Variants in ACD observed in about 807,000 individuals in gnomAD.
ACD encodes the protein adrenocortical dysplasia protein homolog.
Under a neutral mutation model 53.9 loss-of-function variants are expected in ACD, and 39 were observed. That is an observed-to-expected ratio of 0.72 (90% confidence interval 0.56 to 0.95). The LOEUF (loss-of-function observed/expected upper bound fraction) is 0.95, where lower values mean the gene tolerates loss of function less well. Ranked by LOEUF, ACD falls within the 40% of genes least tolerant of loss-of-function variation. The probability of loss-of-function intolerance (pLI) is 0.00; values close to 1 mark genes in which losing one functional copy is unlikely to be tolerated. For missense variants in ACD, 526 were observed against 587.9 expected (o/e 0.89, Z 1.09); for synonymous variants, 273 against 249.2 (o/e 1.10, Z -0.90).
Position 67,658,358 on chromosome 16 carries a change from G to A in ACD, c.834C>T (p.Thr278=), listed in dbSNP as rs1440344167. 1.2e-6 allele frequency: 2 copies of A among 1,613,644 alleles called. No homozygotes were observed. The highest frequency in any genetic ancestry group is 1.7e-5 in the Admixed American group (1 of 60,032). Residue 278 remains threonine, a synonymous_variant, in exon 10 of 12, where the codon ACC becomes ACT. Coordinates refer to ENST00000620761, the MANE Select transcript of ACD (RefSeq NM_001082486.2). The stretch of plus-strand genomic sequence containing the variant: ...ATGACATGTGGCCGGGTAAGGCCGG[G>A]GTTCCTGAGGAGGAGGGGACTTATT... ...SPPSSPSSSG[T]PALPGHMSSE...
Position 67,658,658 on chromosome 16 carries a change from G to T in ACD, c.743-17C>A. ...GCTCAGGGCCTGGGGGGTTCAGGAA[G>T]TCTTATCAGCACTGTGGACCTGGGC... On this transcript the variant is annotated splice_polypyrimidine_tract_variant and intron_variant, in intron 8 of 11. Transcript: ENST00000620761. The T allele has an allele frequency of 1.3e-6, 2 of 1,583,300 alleles. No homozygotes were observed. Among genetic ancestry groups the T allele is most frequent in the Non-Finnish European group, 1.7e-6 (2 of 1,162,560 alleles).
Position 67,659,234 on chromosome 16 carries a change from T to A in ACD, c.488A>T (p.Asn163Ile). 1 of 1,614,098 alleles carries A rather than the reference T, an allele frequency of 6.2e-7. No individual in the cohort carries two copies. The highest frequency in any genetic ancestry group is 1.3e-5 in the African/African-American group (1 of 75,020). Residue 163 changes from asparagine to isoleucine, a missense_variant, in exon 6 of 12, where the codon AAT becomes ATT. By Grantham distance (149) the Asn-to-Ile change is moderately radical (BLOSUM62 -3). Coordinates refer to ENST00000620761, the MANE Select transcript of ACD (RefSeq NM_001082486.2). ...EEHLSESTSS[N>I]AGLSLSQLLD... ...CTGGTCAAGCTCTACAGTACCTGCA[T>A]TGGACGAGGTGGACTCTGAAAGGTG...
intron 6 of ACD, 54 bp downstream of exon 6, chr16:67,659,175 G>A (rs1289966444): frequency 1.2e-6 from 2 of 1,613,068 alleles, no homozygotes; most frequent in East Asian, 2.2e-5. Flanking sequence ...TAAGGTTAAG[G>A]CTGGAGAGAT....
intron 1 of ACD, 21 bp downstream of exon 1, chr16:67,660,101 G>C (rs368511393): frequency 1.9e-6 from 3 of 1,612,160 alleles, no homozygotes; most frequent in East Asian, 2.2e-5. Context: ...CTCGGTCTCC[G>C]GGCCCTGAAT....
rs2052894726 is a variant in ACD at position 67,657,627 on chromosome 16, C to T, written c.1356G>A (p.Gly452=). 1 of 1,614,174 alleles carries T rather than the reference C, an allele frequency of 6.2e-7. No individual in the cohort carries two copies. Among genetic ancestry groups the T allele is most frequent in the Admixed American group, 1.7e-5 (1 of 60,026 alleles). The change falls in exon 12 of 12, where the codon GGG becomes GGA. Residue 452 remains glycine (G), a synonymous_variant. Coordinates refer to ENST00000620761, the MANE Select transcript of ACD (RefSeq NM_001082486.2). The surrounding 1 kb of genome is among the most constrained non-coding windows in gnomAD (Gnocchi z 4.5). ...ALHFLMDAQP[G]SEPTPM is the part of the protein sequence containing the mutation. ...CGTCTCACATCGGAGTTGGCTCAGA[C>T]CCTGGCTGTGCATCCATCAGAAAGT... is the stretch of plus-strand genomic sequence containing the variant.
At chr16:67,659,645 A>G in intron 3 of ACD, 32 bp from the exon 4 acceptor site, 1 of 1,613,022 alleles carries the variant, frequency 6.2e-7, no homozygotes, top group East Asian at 2.2e-5. Flanking sequence ...GGGGGGTCTC[A>G]GAATCGTCAC....
In ACD at chr16:67,659,280, G is replaced by A. The variant is rs375973362; in HGVS notation, c.459-17C>T. 2 of 1,614,138 alleles carry A rather than the reference G, an allele frequency of 1.2e-6. No homozygotes were observed. Among genetic ancestry groups the A allele is most frequent in the African/African-American group, 1.3e-5 (1 of 75,048 alleles). On this transcript the variant is annotated splice_polypyrimidine_tract_variant and intron_variant, in intron 5 of 11. Coordinates refer to ENST00000620761, the MANE Select transcript of ACD (RefSeq NM_001082486.2). Reference sequence around the variant, plus strand: ...AGGTGCTCCCTACAGGAAGAGAGTGGCCAGGACTCAGGAACCATGCTGAGG... The same window carrying A: ...AGGTGCTCCCTACAGGAAGAGAGTGACCAGGACTCAGGAACCATGCTGAGG...
Position 67,658,802 on chromosome 16 carries a change from G to A in ACD, c.660C>T (p.Tyr220=). Residue 220 remains tyrosine (Y), a synonymous_variant, in exon 8 of 12, where the codon TAC becomes TAT. Transcript: ENST00000620761. The part of the protein sequence containing the change: ...SRCKATGEAV[Y]TVPSSMLCIS... ...TGCACAGCATTGAGCTGGGGACAGT[G>A]TACACAGCTTCTCCCTGTGGGACAT... 6.2e-7 allele frequency: 1 copy of A among 1,612,674 alleles called. No homozygotes were observed. The highest frequency in any genetic ancestry group is 2.2e-5 in the East Asian group (1 of 44,850).
rs1344221000 is a variant in ACD at position 67,660,194 on chromosome 16, T to G, written c.27A>C (p.Leu9=). The G allele has an allele frequency of 6.2e-7, 1 of 1,612,428 alleles. No homozygotes were observed. The highest frequency in any genetic ancestry group is 1.7e-5 in the Admixed American group (1 of 60,006). Residue 9 remains leucine, a synonymous_variant, in exon 1 of 12, where the codon CTA becomes CTC. Coordinates refer to ENST00000620761, the MANE Select transcript of ACD (RefSeq NM_001082486.2). The part of the protein sequence containing the change: MAGSGRLV[L]RPWIRELILG... ...GAATCAGCTCCCGAATCCAGGGCCGTAGGACCAGCCTCCCCGAACCTGCCA... is the reference window on the plus strand; with the variant it reads ...GAATCAGCTCCCGAATCCAGGGCCGGAGGACCAGCCTCCCCGAACCTGCCA...
chr16:67,657,667 A>G lies in ACD; in HGVS notation c.1316T>C (p.Met439Thr), dbSNP rs202222217. The part of the protein sequence containing the change: ...VQAVRLPPQL[M>T]AWALHFLMDA... ...CATCAGAAAGTGCAAGGCCCAGGCC[A>G]TGAGCTGGGGAGGAAGCCTGGAAAG... Residue 439 changes from methionine (M) to threonine (T), a missense_variant, in exon 12 of 12, where the codon ATG (methionine) becomes ACG (threonine). Physicochemically the swap from Met to Thr is moderately conservative, Grantham distance 81 (BLOSUM62 -1). Transcript: ENST00000620761. The surrounding 1 kb of genome is among the most constrained non-coding windows in gnomAD (Gnocchi z 4.5). 1.2e-4 allele frequency: 186 copies of G among 1,614,056 alleles called. No homozygotes were observed. The highest frequency in any genetic ancestry group is 1.0e-5 in the Non-Finnish European group (12 of 1,180,052).
chr16:67,659,994 T>C lies in ACD; in HGVS notation c.151A>G (p.Thr51Ala), dbSNP rs1258986215. The C allele has an allele frequency of 1.4e-5, 22 of 1,608,908 alleles. No individual in the cohort carries two copies. The highest frequency in any genetic ancestry group is 1.8e-5 in the Non-Finnish European group (21 of 1,178,894). ...AGCAGCGTGGCCCCGACGTCGGACGTATCAGGGGCGTGGGATGGGCCCGCG... is the reference window on the plus strand; with the variant it reads ...AGCAGCGTGGCCCCGACGTCGGACGCATCAGGGGCGTGGGATGGGCCCGCG... ...AVAGPSHAPD[T>A]SDVGATLLVS... The change falls in exon 2 of 12, where the codon ACG (threonine) becomes GCG (alanine). Residue 51 changes from threonine to alanine, a missense_variant. Physicochemically the swap from Thr to Ala is moderately conservative, Grantham distance 58 (BLOSUM62 0). Transcript: ENST00000620761.
intron 7 of ACD, 21 bp downstream of exon 7, chr16:67,658,907 C>A: frequency 6.2e-7 from 1 of 1,609,950 alleles, no homozygotes; most frequent in South Asian, 1.1e-5. Flanking sequence ...TGACATCTCC[C>A]AAGCAAATCC....
Position 67,660,213 on chromosome 16 carries a change from C to T in ACD, c.8G>A (p.Gly3Asp). The change falls in exon 1 of 12, where the codon GGT becomes GAT. Residue 3 changes from glycine to aspartate, a missense_variant. Transcript: ENST00000620761. MA[G>D]SGRLVLRPWI... ...GGGCCGTAGGACCAGCCTCCCCGAA[C>T]CTGCCATCCCCACGGCTACACCCAG... is the stretch of plus-strand genomic sequence containing the variant. 1 of 1,612,724 alleles carries T rather than the reference C, an allele frequency of 6.2e-7. No individual in the cohort carries two copies. The highest frequency in any genetic ancestry group is 8.5e-7 in the Non-Finnish European group (1 of 1,179,924).
At position 67,658,091 on chromosome 16, in the gene ACD, T is replaced by A; in HGVS notation, c.1101A>T (p.Lys367Asn). 6.4e-7 allele frequency: 1 copy of A among 1,571,168 alleles called. No homozygotes were observed. Among genetic ancestry groups the A allele is most frequent in the South Asian group, 1.2e-5 (1 of 83,946 alleles). Residue 367 changes from lysine to asparagine, a missense_variant, in exon 10 of 12, where the codon AAA (lysine) becomes AAT (asparagine). By Grantham distance (94) the Lys-to-Asn change is moderately conservative (BLOSUM62 0). Transcript: ENST00000620761. ...CAAACTCCTTGAACTCCAGGCTAGG[T>A]TTCTGGGGCCTGGTCACAAGAGCCT... ...PHQALVTRPQ[K>N]PSLEFKEFVG...
Position 67,657,708 on chromosome 16 carries a change from G to A in ACD, c.1299-24C>T. On this transcript the variant is annotated intron_variant, in intron 11 of 11. Transcript: ENST00000620761. This position sits in a 1 kb window ranked among gnomAD's most constrained non-coding sequence, Gnocchi z 4.5. The stretch of plus-strand genomic sequence containing the variant: ...GCCTGGAAAGAAACCACCGCTGCAG[G>A]TCAATGGAGCCTGGGACTAGTGACC... 6.2e-7 allele frequency: 1 copy of A among 1,614,078 alleles called. No homozygotes were observed. The highest frequency in any genetic ancestry group is 1.1e-5 in the South Asian group (1 of 91,076).
chr16:67,659,843 C>T lies in ACD; in HGVS notation c.243-48G>A, dbSNP rs775283151. 5.7e-6 allele frequency: 9 copies of T among 1,582,484 alleles called. No individual in the cohort carries two copies. Among genetic ancestry groups the T allele is most frequent in the African/African-American group, 2.7e-5 (2 of 74,430 alleles). On this transcript the variant is annotated intron_variant, in intron 2 of 11. Coordinates refer to ENST00000620761, the MANE Select transcript of ACD (RefSeq NM_001082486.2). ...TGCCGGGCCCACCTGAACACAAGGC[C>T]CGCCCACCTCGCGCTCTCCTGCCGG...
At chr16:67,659,490 C>A (rs2052955074) in intron 4 of ACD, 47 bp downstream of exon 4, 2 of 1,613,590 alleles carry the variant, frequency 1.2e-6, no homozygotes, top group African/African-American at 2.7e-5. Flanking sequence ...CCAGCGCCGG[C>A]CAGGCTGGGG....
rs562990096 is a variant in ACD at position 67,658,775 on chromosome 16, G to A, written c.687C>T (p.Ile229=). The A allele has an allele frequency of 5.6e-6, 9 of 1,613,572 alleles. No homozygotes were observed. The East Asian group carries it at 1.8e-4, about 32-fold the overall frequency. Residue 229 remains isoleucine (I), a synonymous_variant, in exon 8 of 12, where the codon ATC becomes ATT. Transcript: ENST00000620761. ...VYTVPSSMLC[I]SENDQLILSS... ...TCAGAATTAGCTGGTCATTCTCAGAGATGCACAGCATTGAGCTGGGGACAG... is the reference window on the plus strand; with the variant it reads ...TCAGAATTAGCTGGTCATTCTCAGAAATGCACAGCATTGAGCTGGGGACAG...
chr16:67,659,659 G>A (rs1345134004), intron 3 of ACD, 43 bp downstream of exon 3: 16 of 1,612,860 alleles, frequency 9.9e-6, no homozygotes, highest in Non-Finnish European at 1.4e-5. Flanking sequence ...TCGTCACGAA[G>A]AGTCATGCCC....
Sources: gnomAD v4.1 joint callset for allele counts on GRCh38, gnomAD v4.1.1 for gene constraint, Gnocchi (gnomAD v3.1) non-coding constraint, MANE v1.5 for transcripts, NCBI Gene and HGNC (gene_info 2026-07-23, HGNC 2026-07-21) for gene names.